The following BRSK1 variants were observed in gnomAD, a reference collection of about 807,000 sequenced individuals.
BRSK1 encodes the protein BR serine/threonine kinase 1.
A neutral mutation model predicts 86.2 loss-of-function variants in BRSK1; 17 were observed. That is an observed-to-expected ratio of 0.20 (90% CI 0.14 to 0.30). The LOEUF (loss-of-function observed/expected upper bound fraction) is 0.30, where lower values mean the gene tolerates loss of function less well. BRSK1 is among the 10% of genes least tolerant of loss of function. The probability of loss-of-function intolerance (pLI) is 1.00; values close to 1 mark genes in which losing one functional copy is unlikely to be tolerated. For missense variants in BRSK1, 719 were observed against 1,071.9 expected, an observed-to-expected ratio of 0.67 and a Z score of 4.60; for synonymous variants, 464 against 440.1, an observed-to-expected ratio of 1.05 and a Z score of -0.68.
In BRSK1 at chr19:55,294,023, A is replaced by G; in HGVS notation, c.465A>G (p.Arg155=). The G allele has an allele frequency of 6.2e-7, 1 of 1,611,740 alleles. No homozygotes were observed. Among genetic ancestry groups the G allele is most frequent in the Non-Finnish European group, 8.5e-7 (1 of 1,178,690 alleles). ...DFCHSYSICH[R]DLKPENLLLD... is the part of the protein sequence containing the mutation. Reference sequence around the variant, plus strand: ...TCCCACCTGGCTGTCTCAGCCACAGAGACCTAAAGCCCGAGAACCTGCTTT... The same window carrying G: ...TCCCACCTGGCTGTCTCAGCCACAGGGACCTAAAGCCCGAGAACCTGCTTT... The change falls in exon 5 of 19, where the codon AGA becomes AGG. Residue 155 remains arginine (R), a synonymous_variant. Transcript: ENST00000309383. The surrounding 1 kb of genome is among the most constrained non-coding windows in gnomAD (Gnocchi z 4.9).
chr19:55,298,917 C>T (rs569314558), intron 7 of BRSK1, among the ~76,000 whole-genome samples: 1 of 152,160 alleles, frequency 6.6e-6, no homozygotes, highest in Admixed American at 6.5e-5. Flanking sequence ...ATGAGTTCCG[C>T]GTCAATGACA....
At position 55,303,508 on chromosome 19, in the gene BRSK1, C is replaced by G. The variant is rs1881159642; in HGVS notation, c.1126+100C>G. 1.3e-6 allele frequency: 2 copies of G among 1,489,854 alleles called. No homozygotes were observed. The highest frequency in any genetic ancestry group is 3.6e-5 in the Admixed American group (2 of 56,228). 92.3% of individuals were successfully genotyped at this position (1,489,854 alleles called of 1,614,324 possible). A position where few individuals can be genotyped will look rare whatever the true frequency, so the allele number is the denominator to read the frequency against. On this transcript the variant is annotated intron_variant, in intron 11 of 18. Transcript: ENST00000309383. The surrounding 1 kb of genome is among the most constrained non-coding windows in gnomAD (Gnocchi z 5.1). ...TCCCAAGGAAAGAAGGGGCTGCAGGCTCTGAGCTTCCAGCTTTAGACTGCT... is the reference window on the plus strand; with the variant it reads ...TCCCAAGGAAAGAAGGGGCTGCAGGGTCTGAGCTTCCAGCTTTAGACTGCT...
intron 17 of BRSK1, 54 bp from the exon 18 acceptor site, chr19:55,308,585 C>A: frequency 7.1e-7 from 1 of 1,415,086 alleles, no homozygotes; most frequent in Non-Finnish European, 1.0e-6. Context: ...GCTGGGACGG[C>A]CTTCCCGGTC....
Position 55,297,328 on chromosome 19 carries a change from G to A in BRSK1, c.678+2931G>A, listed in dbSNP as rs114541466. Among the ~76,000 whole-genome samples the A allele has an allele frequency of 3.4e-3, 519 of 152,130 alleles. 1 individual carries two copies. The highest frequency in any genetic ancestry group is 0.012 in the African/African-American group (497 of 41,508). On this transcript the variant is annotated intron_variant, in intron 7 of 18. Coordinates refer to ENST00000309383, the MANE Select transcript of BRSK1 (RefSeq NM_032430.2). ...GACCTCCGCCCGCCTCTTCCTCCTG[G>A]AGTGCTGGGATTACAGGTGTGAGCC...
At chr19:55,288,837 G>A (rs1303434848) in intron 3 of BRSK1, among the ~76,000 whole-genome samples, 18 of 152,028 alleles carry the variant, frequency 1.2e-4, no homozygotes, top group African/African-American at 3.4e-4. Context: ...CACCCACTTC[G>A]GCCTCCCAAA....
chr19:55,303,987 A>G lies in BRSK1; in HGVS notation c.1287-63A>G. ...CTGGAAGGACTGTAGAAGTGAGGGA[A>G]CATCTGTGGTTTTTGAAACCCTCCC... On this transcript the variant is annotated intron_variant, in intron 12 of 18. Coordinates refer to ENST00000309383, the MANE Select transcript of BRSK1 (RefSeq NM_032430.2). This position sits in a 1 kb window ranked among gnomAD's most constrained non-coding sequence, Gnocchi z 5.1. The G allele has an allele frequency of 6.5e-7, 1 of 1,549,704 alleles. No homozygotes were observed. Among genetic ancestry groups the G allele is most frequent in the African/African-American group, 1.4e-5 (1 of 72,650 alleles).
chr19:55,284,006 T>C lies in BRSK1; in HGVS notation c.-437T>C. The C allele has an allele frequency of 1.6e-6, 2 of 1,233,090 alleles. No individual in the cohort carries two copies. The highest frequency in any genetic ancestry group is 2.0e-6 in the Non-Finnish European group (2 of 989,954). 76.4% of individuals were successfully genotyped at this position (1,233,090 alleles called of 1,614,324 possible). Reference sequence around the variant, plus strand: ...AGGGCCCGGAGTCCCCGGATGGTGATGTCAGCGTGCCGGAGAGAAAGGACG... The same window carrying C: ...AGGGCCCGGAGTCCCCGGATGGTGACGTCAGCGTGCCGGAGAGAAAGGACG... On this transcript the variant is annotated 5_prime_UTR_variant, in exon 1 of 19. An upstream start codon of the reference 5' UTR is lost. Transcript: ENST00000309383.
chr19:55,307,755 CA>C (rs2088678462), intron 17 of BRSK1, among the ~76,000 whole-genome samples: 2 of 110,076 alleles, frequency 1.8e-5, no homozygotes, highest in African/African-American at 3.6e-5. Context: ...TATACACACA[CA>C]CACACACACA....
Position 55,287,195 on chromosome 19 carries a change from C to A in BRSK1, c.232-19C>A, listed in dbSNP as rs374646731. 701 of 1,613,920 alleles carry A rather than the reference C, an allele frequency of 4.3e-4. No individual in the cohort carries two copies. Among genetic ancestry groups the A allele is most frequent in the South Asian group, 1.1e-3 (98 of 91,080 alleles). On this transcript the variant is annotated intron_variant, in intron 2 of 18. Transcript: ENST00000309383. This position sits in a 1 kb window ranked among gnomAD's most constrained non-coding sequence, Gnocchi z 5.3. ...GTGCTGACCTCTTTTCCCGTGTCCC[C>A]ACCCCTCTTGACCCTCAGGTGGAGC...
chr19:55,290,453 A>T (rs2088386792), intron 4 of BRSK1, among the ~76,000 whole-genome samples: 1 of 152,202 alleles, frequency 6.6e-6, no homozygotes, highest in Non-Finnish European at 1.5e-5. Flanking sequence ...ACAAGGGGGA[A>T]AATTTAACAA....
chr19:55,301,405 CTCAGTTTCCA>C lies in BRSK1; in HGVS notation c.679-106_679-97del. On this transcript the variant is annotated intron_variant, in intron 7 of 18. Transcript: ENST00000309383. ...GGCAAATTGCTGAGCCTCTCTGTGC[CTCAGTTTCCA>C]ACCCCTTAAGGTGGAGATCACCGTA... The C allele has an allele frequency of 4.3e-6, 6 of 1,382,542 alleles. No homozygotes were observed. In the East Asian group the frequency reaches 1.5e-4, roughly 34 times the overall value. 85.6% of individuals were successfully genotyped at this position (1,382,542 alleles called of 1,614,324 possible).
rs1568991371 is a variant in BRSK1 at position 55,310,684 on chromosome 19, C to T, written c.2180-1227C>T. Among the ~76,000 whole-genome samples, 1 of 152,166 alleles carries T rather than the reference C, an allele frequency of 6.6e-6. No homozygotes were observed. The highest frequency in any genetic ancestry group is 2.4e-5 in the African/African-American group (1 of 41,428). On this transcript the variant is annotated intron_variant, in intron 18 of 18. Coordinates refer to ENST00000309383, the MANE Select transcript of BRSK1 (RefSeq NM_032430.2). The surrounding 1 kb of genome is among the most constrained non-coding windows in gnomAD (Gnocchi z 5.0). ...ACACCCTACAATTCACAGAACAGCC[C>T]CCCACGACAGCTGGGTCCCAAATGG...
rs560400837 is a variant in BRSK1 at position 55,312,443 on chromosome 19, C to T, written c.*375C>T. ...GGGCCCCTCCTCCCCTGGTCCTCCC[C>T]CCACGACCTTCTGTACGGATTTGCT... is the stretch of plus-strand genomic sequence containing the variant. On this transcript the variant is annotated 3_prime_UTR_variant, in exon 19 of 19. Transcript: ENST00000309383. 1 of 186,528 alleles carries T rather than the reference C, an allele frequency of 5.4e-6. No homozygotes were observed. The highest frequency in any genetic ancestry group is 2.4e-5 in the African/African-American group (1 of 41,910). 11.6% of individuals were successfully genotyped at this position (186,528 alleles called of 1,614,324 possible). A position where few individuals can be genotyped will look rare whatever the true frequency, so the allele number is the denominator to read the frequency against.
In BRSK1 at chr19:55,305,307, C is replaced by T. The variant is rs751236579; in HGVS notation, c.1718-14C>T. ...CACAGGTGTTGACCACGTTCTCTGC[C>T]TTCCCCCTACCAGTCCCTACCGCTG... On this transcript the variant is annotated splice_polypyrimidine_tract_variant and intron_variant, in intron 14 of 18. Coordinates refer to ENST00000309383, the MANE Select transcript of BRSK1 (RefSeq NM_032430.2). 34 of 1,613,832 alleles carry T rather than the reference C, an allele frequency of 2.1e-5. No individual in the cohort carries two copies. Among genetic ancestry groups the T allele is most frequent in the Non-Finnish European group, 2.8e-5 (33 of 1,180,006 alleles).
chr19:55,301,415 A>G, intron 7 of BRSK1, 97 bp from the exon 8 acceptor site: 2 of 1,442,566 alleles, frequency 1.4e-6, no homozygotes, highest in Non-Finnish European at 1.9e-6. Context: ...CTCAGTTTCC[A>G]ACCCCTTAAG....
chr19:55,305,239 G>GA, intron 14 of BRSK1, 82 bp from the exon 15 acceptor site: 1 of 1,552,872 alleles, frequency 6.4e-7, no homozygotes, highest in African/African-American at 1.4e-5. Context: ...GGAACCCTGG[G>GA]AGGGGGCGAG....
At position 55,287,527 on chromosome 19, in the gene BRSK1, T is replaced by C. The variant is rs1343316550; in HGVS notation, c.317+228T>C. Among the ~76,000 whole-genome samples the C allele has an allele frequency of 6.6e-6, 1 of 152,190 alleles. No homozygotes were observed. Among genetic ancestry groups the C allele is most frequent in the East Asian group, 1.9e-4 (1 of 5,182 alleles). On this transcript the variant is annotated intron_variant, in intron 3 of 18. Transcript: ENST00000309383. This position sits in a 1 kb window ranked among gnomAD's most constrained non-coding sequence, Gnocchi z 5.3. ...CTGAGGCCAAGGGCAACCATCCTCC[T>C]ACCGTGTCCCCAGCTCCAGCTCCTC...
chr19:55,284,383 C>G lies in BRSK1; in HGVS notation c.-60C>G. On this transcript the variant is annotated 5_prime_UTR_variant, in exon 1 of 19. Transcript: ENST00000309383. ...CGGTCGCCGGCCCCCACCGGAGAGA[C>G]GGGGCGACGGCCGCAGGGGGGGCGG... 10 of 864,686 alleles carry G rather than the reference C, an allele frequency of 1.2e-5. No homozygotes were observed. The highest frequency in any genetic ancestry group is 1.4e-5 in the Non-Finnish European group (10 of 713,886). The allele number at this position is 864,686 out of a possible 1,614,324, so 53.6% of individuals were successfully genotyped here.
chr19:55,288,221 C>T (rs548496655), intron 3 of BRSK1, among the ~76,000 whole-genome samples: 2 of 152,190 alleles, frequency 1.3e-5, no homozygotes, highest in East Asian at 3.9e-4. Context: ...TGGCTCATGC[C>T]TGTAATCTCA....
Sources: gnomAD v4.1 joint callset for allele counts (sites outside exome capture counted in the v4.1 genomes callset) on GRCh38, gnomAD v4.1.1 for gene constraint, Gnocchi (gnomAD v3.1) non-coding constraint, MANE v1.5 for transcripts, NCBI Gene and HGNC (gene_info 2026-07-23, HGNC 2026-07-21) for gene names.